Variants in LRP2 observed in about 807,000 individuals in gnomAD.
LRP2 encodes low-density lipoprotein receptor-related protein 2.
Under a neutral mutation model 531.0 loss-of-function variants are expected in LRP2, and 172 were observed. The ratio of observed to expected loss-of-function variants is 0.32; its 90% CI spans 0.29 to 0.37. LRP2 has a LOEUF of 0.37. Ranked by LOEUF, LRP2 falls within the 10% of genes least tolerant of loss-of-function variation. The pLI, the probability that LRP2 is intolerant of heterozygous loss-of-function variation, is 1.00. For synonymous variants in LRP2, 1,992 were observed against 2,027.6 expected, an observed-to-expected ratio of 0.98 and a Z score of 0.47; for missense variants, 5,167 against 5,868.3, an observed-to-expected ratio of 0.88 and a Z score of 3.90.
chr2:169,276,171 C>T (rs16856731), intron 13 of LRP2, among the ~76,000 whole-genome samples: 2,598 of 152,186 alleles, frequency 0.017, 73 homozygotes, highest in African/African-American at 0.057. Flanking sequence ...CACTTTGAAA[C>T]ATTCTATAAT....
chr2:169,298,588 A>G (rs1387549854), intron 4 of LRP2, among the ~76,000 whole-genome samples: 1 of 152,240 alleles, frequency 6.6e-6, no homozygotes, highest in East Asian at 1.9e-4. Context: ...AGAGATTATG[A>G]AAAGAAAAAG....
intron 1 of LRP2, among the ~76,000 whole-genome samples, chr2:169,359,438 C>G (rs913685470): frequency 6.6e-6 from 1 of 152,122 alleles, no homozygotes; most frequent in African/African-American, 2.4e-5. Flanking sequence ...ACATAGAATA[C>G]TCAGAGCTCT....
At chr2:169,288,983 T>G in intron 9 of LRP2, 43 bp downstream of exon 9, 8 of 1,612,176 alleles carry the variant, frequency 5.0e-6, no homozygotes, top group Non-Finnish European at 6.8e-6. Context: ...CCCATCAGTG[T>G]ACTGTAATGA....
rs144428136 is a variant in LRP2, at chr2:169,227,096, T to C, written c.5228-508A>G. The stretch of plus-strand genomic sequence containing the variant: ...TGTTGCCTAGTATTTATTGAGACTT[T>C]AATAAATAAATCCAATGTATAATCC... On this transcript the variant is annotated intron_variant, in intron 31 of 78. Transcript: ENST00000649046. Among the ~76,000 whole-genome samples the C allele has an allele frequency of 2.0e-3, 302 of 152,324 alleles. 2 individuals are homozygous for C. Among genetic ancestry groups the C allele is most frequent in the Non-Finnish European group, 2.5e-3 (170 of 68,024 alleles).
intron 16 of LRP2, among the ~76,000 whole-genome samples, chr2:169,260,366 C>G (rs1690496635): frequency 6.6e-6 from 1 of 151,986 alleles, no homozygotes; most frequent in Non-Finnish European, 1.5e-5. Flanking sequence ...TCTACATGTT[C>G]TAGGAGTGTG....
intron 57 of LRP2, 72 bp from the exon 58 acceptor site, chr2:169,172,206 T>C: frequency 1.3e-6 from 2 of 1,568,494 alleles, no homozygotes; most frequent in Non-Finnish European, 1.8e-6. Flanking sequence ...TTGGCTTCCT[T>C]GTGAGACAGT....
rs201390881 is a variant in LRP2 at position 169,226,375 on chromosome 2, G to C, written c.5394+47C>G. ...TATAAGAAAACATCAGTGCAGGCAG[G>C]CTCTTCAAGAATAAATTATATACTT... On this transcript the variant is annotated intron_variant, in intron 32 of 78. Coordinates refer to ENST00000649046, the MANE Select transcript of LRP2 (RefSeq NM_004525.3). 3.8e-5 allele frequency: 56 copies of C among 1,470,706 alleles called. No individual in the cohort carries two copies. In the African/African-American group the frequency reaches 4.6e-4, roughly 12 times the overall value. The allele number at this position is 1,470,706 out of a possible 1,614,324, so 91.1% of individuals were successfully genotyped here.
intron 62 of LRP2, among the ~76,000 whole-genome samples, chr2:169,163,909 T>C (rs1048525488): frequency 6.6e-6 from 1 of 152,076 alleles, no homozygotes; most frequent in African/African-American, 2.4e-5. Context: ...CAGGAGCTCC[T>C]CCCAGAGCAG....
intron 16 of LRP2, among the ~76,000 whole-genome samples, chr2:169,266,181 G>A (rs1300267712): frequency 6.6e-6 from 1 of 151,840 alleles, no homozygotes; most frequent in African/African-American, 2.4e-5. Context: ...AAGGAGAATG[G>A]GGGGAGGGAA....
At chr2:169,190,749 C>T (rs1329283169) in intron 48 of LRP2, among the ~76,000 whole-genome samples, 1 of 152,220 alleles carries the variant, frequency 6.6e-6, no homozygotes. Flanking sequence ...CATACTTTCA[C>T]CTCAGGAAGT....
intron 29 of LRP2, among the ~76,000 whole-genome samples, chr2:169,234,929 A>G (rs1689549409): frequency 6.6e-6 from 1 of 151,128 alleles, no homozygotes; most frequent in Non-Finnish European, 1.5e-5. Context: ...TTTTTTTTGA[A>G]AACAGGGTCT....
intron 63 of LRP2, among the ~76,000 whole-genome samples, chr2:169,160,690 A>AAAAC (rs111647692): frequency 0.51 from 74,401 of 147,124 alleles, 20,035 homozygotes; most frequent in Admixed American, 0.62. Flanking sequence ...CTTAAAAAAA[A>AAAAC]AAAAACCTGC....
intron 1 of LRP2, among the ~76,000 whole-genome samples, chr2:169,327,255 G>T: frequency 4.7e-5 from 1 of 21,286 alleles, no homozygotes; most frequent in East Asian, 2.0e-3. Context: ...CCACGTCCGG[G>T]AGGGAGGTGG....
chr2:169,206,833 T>C lies in LRP2; in HGVS notation c.6887A>G (p.Asn2296Ser). ...GCTGGCTTGGAAGATCTTTTTCAAA[T>C]TCCTATCTACCCATATGATAGAATT... The part of the protein sequence containing the change: ...FENSIIWVDR[N>S]LKKIFQASKE... Residue 2296 changes from asparagine (N) to serine (S), a missense_variant, in exon 39 of 79, where the codon AAT becomes AGT. Physicochemically the swap from Asn to Ser is conservative, Grantham distance 46. Coordinates refer to ENST00000649046, the MANE Select transcript of LRP2 (RefSeq NM_004525.3). 6.2e-7 allele frequency: 1 copy of C among 1,614,184 alleles called. No individual in the cohort carries two copies. The highest frequency in any genetic ancestry group is 1.1e-5 in the South Asian group (1 of 91,086).
At chr2:169,152,683 C>T in intron 67 of LRP2, 116 bp downstream of exon 67, 1 of 1,178,486 alleles carries the variant, frequency 8.5e-7, no homozygotes, top group South Asian at 1.3e-5. Context: ...CCAGCTGCAC[C>T]CATGGCTGAG....
chr2:169,212,072 G>A lies in LRP2; in HGVS notation c.6176C>T (p.Ser2059Phe), dbSNP rs148299415. The change falls in exon 37 of 79, where the codon TCT becomes TTT. Residue 2059 changes from serine to phenylalanine, a missense_variant. Physicochemically the swap from Ser to Phe is radical, Grantham distance 155 (BLOSUM62 -2). Around this residue, in one of 6 missense-constraint regions of LRP2, gnomAD observed 2,811 missense variants for 3,058.0 expected, o/e 0.92. Transcript: ENST00000649046. ...AACAACAATGAAAGAGTTATATGGAGAGCAGGACCGATTATCAGGATTGAG... is the reference window on the plus strand; with the variant it reads ...AACAACAATGAAAGAGTTATATGGAAAGCAGGACCGATTATCAGGATTGAG... ...FKLNPDNRSC[S>F]PYNSFIVVSM... 260 of 1,614,062 alleles carry A rather than the reference G, an allele frequency of 1.6e-4. No individual in the cohort carries two copies. The African/African-American group carries it at 3.3e-3, about 20-fold the overall frequency.
chr2:169,196,465 G>T (rs143159205), intron 46 of LRP2, among the ~76,000 whole-genome samples: 75 of 152,270 alleles, frequency 4.9e-4, no homozygotes, highest in Non-Finnish European at 9.0e-4. Context: ...TGGGCCTCTT[G>T]TGCTCATAAA....
rs528716035 is a variant in LRP2, at chr2:169,281,449, G to A, written c.1172-930C>T. 6.7e-5 allele frequency among the ~76,000 whole-genome samples: 10 copies of A among 148,596 alleles called. No homozygotes were observed. The East Asian group carries it at 1.2e-3, about 18-fold the overall frequency. ...AAAATAAATAAATAAGGCCGGATGC[G>A]GTGGTTCATGCCTGTAATCCCAGCA... is the stretch of plus-strand genomic sequence containing the variant. On this transcript the variant is annotated intron_variant, in intron 10 of 78. Coordinates refer to ENST00000649046, the MANE Select transcript of LRP2 (RefSeq NM_004525.3).
intron 63 of LRP2, among the ~76,000 whole-genome samples, chr2:169,157,957 T>TAAATAAATAAATAAATAAAA (rs568534822): frequency 3.0e-4 from 44 of 146,072 alleles, no homozygotes; most frequent in South Asian, 4.3e-4. Context: ...AATAAATAAA[T>TAAATAAATAAATAAATAAAA]AAAAGACATG....
Sources: allele counts gnomAD v4.1 joint callset (sites outside exome capture counted in the v4.1 genomes callset), GRCh38; gene constraint gnomAD v4.1.1; regional missense constraint gnomAD v4.1.1; transcripts MANE v1.5; gene names NCBI Gene and HGNC (gene_info 2026-07-23, HGNC 2026-07-21).